Variants in AKAP8L observed in about 807,000 individuals in gnomAD.
The protein encoded by AKAP8L is A-kinase anchoring protein 8 like, also known as A-kinase anchor protein 8-like.
Under a neutral mutation model 77.5 loss-of-function variants are expected in AKAP8L, and 34 were observed. The ratio of observed to expected loss-of-function variants is 0.44; its 90% CI spans 0.33 to 0.58. AKAP8L has a LOEUF of 0.58. Among genes scored for constraint, AKAP8L ranks in the 20% least tolerant of loss-of-function variants. The pLI is 0.02. For missense variants in AKAP8L, 806 were observed against 887.6 expected (o/e 0.91, Z 1.17); for synonymous variants, 342 against 340.7 (o/e 1.00, Z -0.04).
At position 15,403,209 on chromosome 19, in the gene AKAP8L, C is replaced by T; in HGVS notation, c.362+266G>A. The T allele has an allele frequency of 4.0e-6, 2 of 505,468 alleles. No individual in the cohort carries two copies. Among genetic ancestry groups the T allele is most frequent in the South Asian group, 2.1e-5 (1 of 48,460 alleles). The allele number at this position is 505,468 out of a possible 1,614,324, so 31.3% of individuals were successfully genotyped here. The stretch of plus-strand genomic sequence containing the variant: ...GCTGAACACTCTGTTTTTGAGGGCA[C>T]AGTGAAGTCTGCCCAGTCTGGGCTT... On this transcript the variant is annotated intron_variant, in intron 4 of 13. Coordinates refer to ENST00000397410, the MANE Select transcript of AKAP8L (RefSeq NM_014371.4). The surrounding 1 kb of genome is among the most constrained non-coding windows in gnomAD (Gnocchi z 4.3).
At position 15,399,398 on chromosome 19, in the gene AKAP8L, G is replaced by C; in HGVS notation, c.1061C>G (p.Thr354Ser). ...KEDPEKGALT[T>S]QDENGQTKRK... ...CTTGGTCTGGCCATTTTCATCCTGG[G>C]TGGTTAGGGCCCCTGTGGGAGCAGA... The change falls in exon 9 of 14, where the codon ACC becomes AGC. Residue 354 changes from threonine (T) to serine (S), a missense_variant. Around this residue, in one of 2 missense-constraint regions of AKAP8L, gnomAD observed 580 missense variants for 694.1 expected, o/e 0.84. Transcript: ENST00000397410. The surrounding 1 kb of genome is among the most constrained non-coding windows in gnomAD (Gnocchi z 6.1). 10 of 1,613,816 alleles carry C rather than the reference G, an allele frequency of 6.2e-6. No individual in the cohort carries two copies. Among genetic ancestry groups the C allele is most frequent in the Non-Finnish European group, 8.5e-6 (10 of 1,179,806 alleles).
chr19:15,384,627 TTC>T (rs1205683408), intron 12 of AKAP8L, among the ~76,000 whole-genome samples: 1 of 152,174 alleles, frequency 6.6e-6, no homozygotes, highest in Non-Finnish European at 1.5e-5. Flanking sequence ...TAAATCTGTA[TTC>T]TTAGCTATTT....
rs1967885039 is a variant in AKAP8L at position 15,401,050 on chromosome 19, C to T, written c.817-7G>A. The stretch of plus-strand genomic sequence containing the variant: ...TTCTCTTCTTCTTCTTGGTCTGGGT[C>T]ATAAGGGGGGGAAGCCGTGTCAGGG... On this transcript the variant is annotated splice_region_variant and splice_polypyrimidine_tract_variant and intron_variant, in intron 5 of 13. Coordinates refer to ENST00000397410, the MANE Select transcript of AKAP8L (RefSeq NM_014371.4). The surrounding 1 kb of genome is among the most constrained non-coding windows in gnomAD (Gnocchi z 6.2). The T allele has an allele frequency of 3.7e-6, 6 of 1,611,988 alleles. No homozygotes were observed. Among genetic ancestry groups the T allele is most frequent in the Middle Eastern group, 1.6e-4 (1 of 6,084 alleles).
At chr19:15,389,715 G>A (rs1323829121) in intron 12 of AKAP8L, among the ~76,000 whole-genome samples, 1 of 152,172 alleles carries the variant, frequency 6.6e-6, no homozygotes, top group African/African-American at 2.4e-5. Context: ...AGGTTGCAGT[G>A]AGCTGAGATT....
chr19:15,398,816 C>T lies in AKAP8L; in HGVS notation c.1157+486G>A, dbSNP rs1254220551. ...GGGGCGTGAAGGGCTCAGCCGCAGA[C>T]AGGCCCGGCCTGACAGGGCCGGCGG... On this transcript the variant is annotated intron_variant, in intron 9 of 13. Transcript: ENST00000397410. The surrounding 1 kb of genome is among the most constrained non-coding windows in gnomAD (Gnocchi z 9.2). 8 of 1,009,190 alleles carry T rather than the reference C, an allele frequency of 7.9e-6. No homozygotes were observed. The South Asian group carries it at 2.9e-4, about 36-fold the overall frequency. The allele number at this position is 1,009,190 out of a possible 1,614,324, so 62.5% of individuals were successfully genotyped here. A position where few individuals can be genotyped will look rare whatever the true frequency, so the allele number is the denominator to read the frequency against.
At chr19:15,385,745 C>T (rs1249612680) in intron 12 of AKAP8L, among the ~76,000 whole-genome samples, 1 of 151,148 alleles carries the variant, frequency 6.6e-6, no homozygotes, top group East Asian at 1.9e-4. Flanking sequence ...GACCACAGGC[C>T]CCAGTACCTG....
intron 1 of AKAP8L, among the ~76,000 whole-genome samples, chr19:15,412,834 G>A (rs890259824): frequency 6.6e-6 from 1 of 152,204 alleles, no homozygotes. Context: ...GAGCCACTGC[G>A]CCCGGCCAGA....
At chr19:15,411,554 G>A (rs1968105416) in intron 1 of AKAP8L, among the ~76,000 whole-genome samples, 1 of 152,056 alleles carries the variant, frequency 6.6e-6, no homozygotes, top group South Asian at 2.1e-4. Context: ...AGCCCAGAAG[G>A]TCAAGGCTGC....
In AKAP8L at chr19:15,400,845, T is replaced by G. The variant is rs890767685; in HGVS notation, c.933A>C (p.Glu311Asp). The G allele has an allele frequency of 1.9e-6, 3 of 1,613,884 alleles. No homozygotes were observed. In the African/African-American group the frequency reaches 4.0e-5, roughly 22 times the overall value. The change falls in exon 7 of 14, where the codon GAA becomes GAC. Residue 311 changes from glutamate (E) to aspartate (D), a missense_variant. This residue lies in a region of AKAP8L where 580 missense variants were observed against 694.1 expected (regional missense o/e 0.84). Transcript: ENST00000397410. ...CGGTGCCTTCAAGGCCCTCTGTGGC[T>G]TCCCCCTCGGTGCCCTCATCTGAAA... The part of the protein sequence containing the change: ...DSDNDEGTEG[E>D]ATEGLEGTEA...
chr19:15,390,817 C>T (rs1309518285), intron 12 of AKAP8L, among the ~76,000 whole-genome samples: 2 of 152,116 alleles, frequency 1.3e-5, no homozygotes, highest in Non-Finnish European at 2.9e-5. Flanking sequence ...AAGACAAAAG[C>T]CACATGATCA....
In AKAP8L at chr19:15,412,324, G is replaced by A. The variant is rs143873605; in HGVS notation, c.14-1730C>T. On this transcript the variant is annotated intron_variant, in intron 1 of 13. Coordinates refer to ENST00000397410, the MANE Select transcript of AKAP8L (RefSeq NM_014371.4). ...TTAAACCCAGGAGGCGGAGATTGCAGTGAGTGGAGATCGTGCCACTGCACT... is the reference window on the plus strand; with the variant it reads ...TTAAACCCAGGAGGCGGAGATTGCAATGAGTGGAGATCGTGCCACTGCACT... Among the ~76,000 whole-genome samples the A allele has an allele frequency of 2.2e-3, 340 of 152,358 alleles. 2 individuals carry two copies. Among genetic ancestry groups the A allele is most frequent in the African/African-American group, 7.9e-3 (327 of 41,600 alleles).
At chr19:15,408,950 T>C (rs1968056813) in intron 2 of AKAP8L, among the ~76,000 whole-genome samples, 1 of 152,132 alleles carries the variant, frequency 6.6e-6, no homozygotes, top group African/African-American at 2.4e-5. Flanking sequence ...AACAATTATA[T>C]ATTTATATGC....
At chr19:15,393,465 A>G (rs377636468) in intron 12 of AKAP8L, among the ~76,000 whole-genome samples, 7 of 152,342 alleles carry the variant, frequency 4.6e-5, no homozygotes, top group East Asian at 1.9e-4. Flanking sequence ...ACAAAAGACA[A>G]CACAATTAAA....
At chr19:15,406,404 A>AGAGAGAGAGAGAGAGAGAC (rs60749981) in intron 2 of AKAP8L, among the ~76,000 whole-genome samples, 1 of 143,710 alleles carries the variant, frequency 7.0e-6, no homozygotes, top group Non-Finnish European at 1.5e-5. Flanking sequence ...AGAGAGAGAG[A>AGAGAGAGAGAGAGAGAGAC]TCCTTAAAAT....
intron 12 of AKAP8L, among the ~76,000 whole-genome samples, chr19:15,396,211 T>C (rs996763253): frequency 6.6e-6 from 1 of 151,974 alleles, no homozygotes; most frequent in Non-Finnish European, 1.5e-5. Flanking sequence ...GGAGAAATGC[T>C]GCTTCCCATG....
chr19:15,380,490 C>A, intron 13 of AKAP8L, 27 bp downstream of exon 13: 2 of 1,613,236 alleles, frequency 1.2e-6, no homozygotes, highest in Non-Finnish European at 1.7e-6. Flanking sequence ...AAGCTGGGGA[C>A]AGGGCAGGCC....
chr19:15,395,983 CAAAAAAAAA>C lies in AKAP8L; in HGVS notation c.1536+1158_1536+1166del, dbSNP rs751904092. ...TGGGCGACAGAGCGAGACTCCGTCT[CAAAAAAAAA>C]AAAAAAAAAAGAATCTGTTTTTGGC... On this transcript the variant is annotated intron_variant, in intron 12 of 13. Transcript: ENST00000397410. Among the ~76,000 whole-genome samples the C allele has an allele frequency of 1.5e-4, 6 of 40,502 alleles. 1 individual carries two copies. Among genetic ancestry groups the C allele is most frequent in the African/African-American group, 4.7e-4 (5 of 10,748 alleles). 26.6% of individuals were successfully genotyped at this position (40,502 alleles called of 152,430 possible).
chr19:15,404,999 AC>A (rs1198793538), intron 2 of AKAP8L, among the ~76,000 whole-genome samples: 1 of 152,248 alleles, frequency 6.6e-6, no homozygotes, highest in Non-Finnish European at 1.5e-5. Context: ...AAGAGAGCTC[AC>A]AAAACAAAAA....
At chr19:15,394,383 T>C (rs531051804) in intron 12 of AKAP8L, among the ~76,000 whole-genome samples, 14 of 152,038 alleles carry the variant, frequency 9.2e-5, no homozygotes, top group Admixed American at 6.6e-5. Flanking sequence ...TAGAGAGAGA[T>C]AGATTAGTAG....
Sources: allele counts gnomAD v4.1 joint callset (sites outside exome capture counted in the v4.1 genomes callset), GRCh38; gene constraint gnomAD v4.1.1; regional missense constraint gnomAD v4.1.1; non-coding constraint Gnocchi (gnomAD v3.1); transcripts MANE v1.5; gene names NCBI Gene and HGNC (gene_info 2026-07-23, HGNC 2026-07-21).